Variants in PROX1 observed in about 807,000 individuals in gnomAD.
The protein encoded by PROX1 is prospero homeobox protein 1.
In PROX1, 7 loss-of-function variants were observed where a neutral mutation model predicts 58.8. That is an observed-to-expected ratio of 0.12 (90% confidence interval 0.07 to 0.22). PROX1 has a LOEUF of 0.22. PROX1 is among the 10% of genes least tolerant of loss of function. PROX1 has a pLI of 1.00. For synonymous variants in PROX1, 350 were observed against 358.3 expected (o/e 0.98, Z 0.26); for missense variants, 675 against 927.8 (o/e 0.73, Z 3.54).
rs117278964 is a variant in PROX1 at position 213,997,477 on chromosome 1, G to C, written c.942G>C (p.Leu314=). Residue 314 remains leucine (L), a synonymous_variant, in exon 2 of 5, where the codon CTG becomes CTC. Coordinates refer to ENST00000366958, the MANE Select transcript of PROX1 (RefSeq NM_001270616.2). The surrounding 1 kb of genome is among the most constrained non-coding windows in gnomAD (Gnocchi z 7.1). ...AGTTTATTGACCGAGCTCGAGCCCTGATCAGAGAGCAGGAAATGGCTGAAA... is the reference window on the plus strand; with the variant it reads ...AGTTTATTGACCGAGCTCGAGCCCTCATCAGAGAGCAGGAAATGGCTGAAA... ...PGQFIDRARA[L]IREQEMAENK... The C allele has an allele frequency of 7.1e-4, 1,142 of 1,614,116 alleles. 12 individuals are homozygous for C. In the East Asian group the frequency reaches 0.017, roughly 24 times the overall value.
intron 2 of PROX1, among the ~76,000 whole-genome samples, chr1:214,001,840 G>GA (rs1414835500): frequency 4.0e-5 from 6 of 149,878 alleles, no homozygotes; most frequent in Non-Finnish European, 8.9e-5. Flanking sequence ...CCCCTCCCCT[G>GA]AAAAAAATTA....
chr1:214,003,745 T>A (rs1571812591), intron 2 of PROX1, among the ~76,000 whole-genome samples: 2 of 152,242 alleles, frequency 1.3e-5, no homozygotes, highest in Non-Finnish European at 2.9e-5. Context: ...ATTGAACAAA[T>A]TCTCAGCAGA....
chr1:214,031,059 G>A (rs1410926490), intron 4 of PROX1, among the ~76,000 whole-genome samples: 1 of 151,512 alleles, frequency 6.6e-6, no homozygotes, highest in Admixed American at 6.6e-5. Context: ...GTGTGTGTGT[G>A]TGTGTGTGCG....
chr1:214,002,582 C>A (rs1225845673), intron 2 of PROX1, among the ~76,000 whole-genome samples: 1 of 152,094 alleles, frequency 6.6e-6, no homozygotes, highest in East Asian at 1.9e-4. Flanking sequence ...TTCCATCCCC[C>A]CTCACCCCAC....
At chr1:214,022,517 T>C (rs1664316097) in intron 4 of PROX1, among the ~76,000 whole-genome samples, 1 of 152,130 alleles carries the variant, frequency 6.6e-6, no homozygotes, top group African/African-American at 2.4e-5. Context: ...GTAAAACTGG[T>C]TTTCACAAGA....
chr1:214,026,811 C>T (rs958799906), intron 4 of PROX1, among the ~76,000 whole-genome samples: 2 of 152,142 alleles, frequency 1.3e-5, no homozygotes, highest in Admixed American at 1.3e-4. Context: ...AGCAGCCCCC[C>T]AGATCCGTAC....
chr1:214,025,008 T>C (rs887403854), intron 4 of PROX1, among the ~76,000 whole-genome samples: 1 of 152,358 alleles, frequency 6.6e-6, no homozygotes, highest in South Asian at 2.1e-4. Flanking sequence ...GTGACTGGTA[T>C]ATGATTGCAG....
chr1:214,022,292 T>C (rs1004903537), intron 4 of PROX1, among the ~76,000 whole-genome samples: 5 of 151,024 alleles, frequency 3.3e-5, no homozygotes, highest in South Asian at 2.1e-4. Context: ...TCACAGAGTG[T>C]TGTGAGAATT....
chr1:213,990,457 A>G (rs1164829621), intron 1 of PROX1, among the ~76,000 whole-genome samples: 2 of 147,790 alleles, frequency 1.4e-5, no homozygotes, highest in African/African-American at 5.0e-5. Flanking sequence ...GCAAGTTGGT[A>G]TGTGTTTGTT....
At chr1:213,993,452 C>A (rs1663110276) in intron 1 of PROX1, among the ~76,000 whole-genome samples, 1 of 152,158 alleles carries the variant, frequency 6.6e-6, no homozygotes. Flanking sequence ...CATTCCATGG[C>A]TTCCTTTAAA....
At chr1:214,022,503 C>G (rs531303946) in intron 4 of PROX1, among the ~76,000 whole-genome samples, 1 of 152,306 alleles carries the variant, frequency 6.6e-6, no homozygotes, top group South Asian at 2.1e-4. Flanking sequence ...AACATATATT[C>G]AACGTAAAAC....
chr1:214,036,663 A>C lies in PROX1; in HGVS notation c.*829A>C, dbSNP rs569474766. 1 of 152,354 alleles carries C rather than the reference A, an allele frequency of 6.6e-6. No individual in the cohort carries two copies. Among genetic ancestry groups the C allele is most frequent in the East Asian group, 1.9e-4 (1 of 5,190 alleles). 9.4% of individuals were successfully genotyped at this position (152,354 alleles called of 1,614,324 possible). On this transcript the variant is annotated 3_prime_UTR_variant, in exon 5 of 5. Transcript: ENST00000366958. ...TAACTTGTTATCATTTTTGCTTCAG[A>C]TACTAAAAGGCACTAAGTTTCCAAT... is the stretch of plus-strand genomic sequence containing the variant.
chr1:213,986,833 C>T (rs983893335), upstream of PROX1, among the ~76,000 whole-genome samples: 3 of 152,184 alleles, frequency 2.0e-5, no homozygotes, highest in Non-Finnish European at 4.4e-5. Flanking sequence ...GGCTCGCTTG[C>T]ATTTGTAACT....
At chr1:214,003,592 T>C (rs1031350207) in intron 2 of PROX1, among the ~76,000 whole-genome samples, 1 of 152,204 alleles carries the variant, frequency 6.6e-6, no homozygotes, top group Admixed American at 6.5e-5. Flanking sequence ...GGCTTACAGA[T>C]ATAAAATCAA....
At position 213,995,616 on chromosome 1, in the gene PROX1, C is replaced by T. The variant is rs143650120; in HGVS notation, c.-67-853C>T. On this transcript the variant is annotated intron_variant, in intron 1 of 4. Coordinates refer to ENST00000366958, the MANE Select transcript of PROX1 (RefSeq NM_001270616.2). Reference sequence around the variant, plus strand: ...TATTTATCTTTATCTCGGTCAATAACTTATTATTCCTCATATTGATTTCTA... The same window carrying T: ...TATTTATCTTTATCTCGGTCAATAATTTATTATTCCTCATATTGATTTCTA... 9.0e-4 allele frequency among the ~76,000 whole-genome samples: 137 copies of T among 152,216 alleles called. 1 individual carries two copies. Among genetic ancestry groups the T allele is most frequent in the African/African-American group, 3.2e-3 (135 of 41,552 alleles).
chr1:214,035,619 A>G, intron 4 of PROX1, 30 bp from the exon 5 acceptor site: 1 of 1,581,484 alleles, frequency 6.3e-7, no homozygotes, highest in Non-Finnish European at 8.6e-7. Flanking sequence ...TGAAAACTTT[A>G]TTAATGCCAT....
chr1:214,009,834 C>CAA (rs1558177982), intron 3 of PROX1, among the ~76,000 whole-genome samples: 1 of 152,122 alleles, frequency 6.6e-6, no homozygotes, highest in Admixed American at 6.5e-5. Flanking sequence ...AAGCAATTTT[C>CAA]ATTCCCCAGT....
chr1:214,002,807 G>A (rs1571811546), intron 2 of PROX1, among the ~76,000 whole-genome samples: 1 of 152,124 alleles, frequency 6.6e-6, no homozygotes, highest in Non-Finnish European at 1.5e-5. Context: ...CAATTGGTCA[G>A]TTCAGATTTA....
intron 2 of PROX1, among the ~76,000 whole-genome samples, chr1:214,002,394 CT>C (rs372752239): frequency 0.021 from 2,707 of 128,910 alleles, 49 homozygotes; most frequent in East Asian, 0.08. Flanking sequence ...ATCATCTTTT[CT>C]TTTTTTTTTC....
Sources: allele counts gnomAD v4.1 joint callset (sites outside exome capture counted in the v4.1 genomes callset), GRCh38; gene constraint gnomAD v4.1.1; non-coding constraint Gnocchi (gnomAD v3.1); transcripts MANE v1.5; gene names NCBI Gene and HGNC (gene_info 2026-07-23, HGNC 2026-07-21).